TBCE: variants seen among roughly 807,000 people sequenced by gnomAD.
The protein encoded by TBCE is tubulin-specific chaperone E.
A neutral mutation model predicts 77.0 loss-of-function variants in TBCE; 53 were observed. That is an observed-to-expected ratio of 0.69 (90% CI 0.55 to 0.87). The LOEUF (loss-of-function observed/expected upper bound fraction) is 0.87, where lower values mean the gene tolerates loss of function less well. Ranked by LOEUF, TBCE falls within the 40% of genes least tolerant of loss-of-function variation. The pLI, the probability that TBCE is intolerant of heterozygous loss-of-function variation, is 0.00. For missense variants in TBCE, 624 were observed against 622.4 expected (o/e 1.00, Z -0.03); for synonymous variants, 235 against 241.3 (o/e 0.97, Z 0.24).
intron 1 of TBCE, among the ~76,000 whole-genome samples, chr1:235,371,568 G>A (rs1323522964): frequency 6.6e-6 from 1 of 151,606 alleles, no homozygotes; most frequent in Non-Finnish European, 1.5e-5. Context: ...TAGAGATGGG[G>A]TTTCATCATA....
Position 235,450,242 on chromosome 1 carries a change from T to C in TBCE, c.*1480T>C. On this transcript the variant is annotated 3_prime_UTR_variant, in exon 17 of 17. Coordinates refer to ENST00000642610, the MANE Select transcript of TBCE (RefSeq NM_003193.5). ...GACATCGACAAGGATCACCGCACCGTTCCTTCAGTTTCCACAGTTCCGTCA... is the reference window on the plus strand; with the variant it reads ...GACATCGACAAGGATCACCGCACCGCTCCTTCAGTTTCCACAGTTCCGTCA... The C allele has an allele frequency of 1.9e-6, 3 of 1,614,144 alleles. No individual in the cohort carries two copies. Among genetic ancestry groups the C allele is most frequent in the Non-Finnish European group, 2.5e-6 (3 of 1,180,010 alleles).
intron 16 of TBCE, 36 bp downstream of exon 16, chr1:235,448,476 G>C (rs1277360217): frequency 6.3e-7 from 1 of 1,587,940 alleles, no homozygotes; most frequent in African/African-American, 1.3e-5. Context: ...TCAAAGTCAA[G>C]CTTAGTCCTC....
chr1:235,411,473 C>T (rs369652472), intron 3 of TBCE, among the ~76,000 whole-genome samples: 9 of 152,204 alleles, frequency 5.9e-5, no homozygotes, highest in East Asian at 3.9e-4. Context: ...TTCTGTGGTT[C>T]GCCAGAAAGA....
chr1:235,448,795 C>CT lies in TBCE; in HGVS notation c.*35dup. On this transcript the variant is annotated 3_prime_UTR_variant, in exon 17 of 17. Coordinates refer to ENST00000642610, the MANE Select transcript of TBCE (RefSeq NM_003193.5). ...CTAATAAAATTTAAAGACCACACTGCTTATCGTGTCTGGGGTTCACCGGAA... is the reference window on the plus strand; with the variant it reads ...CTAATAAAATTTAAAGACCACACTGCTTTATCGTGTCTGGGGTTCACCGGAA... The CT allele has an allele frequency of 7.1e-7, 1 of 1,416,024 alleles. No homozygotes were observed. The highest frequency in any genetic ancestry group is 1.0e-6 in the Non-Finnish European group (1 of 1,001,422). The allele number at this position is 1,416,024 out of a possible 1,614,324, so 87.7% of individuals were successfully genotyped here.
At chr1:235,395,535 ACTTCTT>A (rs759499040) in intron 2 of TBCE, among the ~76,000 whole-genome samples, 9 of 130,410 alleles carry the variant, frequency 6.9e-5, no homozygotes, top group Admixed American at 3.9e-4. Flanking sequence ...CCATCATTCT[ACTTCTT>A]CTTCTTCTTT....
rs142804756 is a variant in TBCE, at chr1:235,427,219, C to T, written c.540C>T (p.His180=). ...TACACATTGCTGATCAGCTCAGACACCTGGAAGTCCTTAATGTCAGGTATG... is the reference window on the plus strand; with the variant it reads ...TACACATTGCTGATCAGCTCAGACATCTGGAAGTCCTTAATGTCAGGTATG... ...EVIHIADQLR[H]LEVLNVSENK... The change falls in exon 6 of 17, where the codon CAC becomes CAT. Residue 180 remains histidine (H), a synonymous_variant. Transcript: ENST00000642610. The T allele has an allele frequency of 8.1e-6, 13 of 1,613,320 alleles. No individual in the cohort carries two copies. The African/African-American group carries it at 1.2e-4, about 15-fold the overall frequency.
chr1:235,402,438 G>A (rs1024535747), intron 3 of TBCE, among the ~76,000 whole-genome samples: 1 of 152,026 alleles, frequency 6.6e-6, no homozygotes, highest in South Asian at 2.1e-4. Context: ...AAAGGGTGCT[G>A]GGGAGCCTTC....
intron 5 of TBCE, among the ~76,000 whole-genome samples, chr1:235,425,660 GT>G (rs1211503664): frequency 6.6e-6 from 1 of 152,150 alleles, no homozygotes; most frequent in Non-Finnish European, 1.5e-5. Context: ...CCTTTGTGAT[GT>G]GGCCTGGCCC....
chr1:235,426,326 G>T (rs1680712654), intron 5 of TBCE, among the ~76,000 whole-genome samples: 1 of 152,160 alleles, frequency 6.6e-6, no homozygotes. Flanking sequence ...TGTTACAACT[G>T]CTTCCAGGCT....
intron 4 of TBCE, chr1:235,418,542 G>T (rs1376120310): frequency 6.6e-6 from 1 of 152,230 alleles, no homozygotes; most frequent in Admixed American, 6.5e-5. Flanking sequence ...GCGCTCTCTA[G>T]GAAGTACCTT....
At chr1:235,441,037 G>C (rs909072784) in intron 13 of TBCE, 2 of 152,296 alleles carry the variant, frequency 1.3e-5, no homozygotes, top group African/African-American at 4.8e-5. Flanking sequence ...CAGCCTAGAG[G>C]AATCACTTTC....
intron 3 of TBCE, among the ~76,000 whole-genome samples, chr1:235,404,802 C>T (rs765293828): frequency 6.6e-6 from 1 of 151,600 alleles, no homozygotes; most frequent in Non-Finnish European, 1.5e-5. Flanking sequence ...GCTGAGATTA[C>T]AGGCATGCGC....
intron 13 of TBCE, among the ~76,000 whole-genome samples, chr1:235,440,066 G>T (rs1439791553): frequency 6.6e-6 from 1 of 152,136 alleles, no homozygotes; most frequent in Non-Finnish European, 1.5e-5. Context: ...CGCCTCCCGG[G>T]TTCACGCCAT....
chr1:235,406,065 A>G (rs1679409104), intron 3 of TBCE, among the ~76,000 whole-genome samples: 1 of 152,236 alleles, frequency 6.6e-6, no homozygotes, highest in South Asian at 2.1e-4. Context: ...ATTGAAGTAC[A>G]TATTATCTTA....
chr1:235,441,935 A>C, intron 14 of TBCE, 53 bp downstream of exon 14: 1 of 1,504,276 alleles, frequency 6.6e-7, no homozygotes. Flanking sequence ...TTAGGTGCTG[A>C]AACAGTTAGT....
At chr1:235,446,729 T>TGTTA (rs1432719272) in intron 15 of TBCE, among the ~76,000 whole-genome samples, 1 of 151,872 alleles carries the variant, frequency 6.6e-6, no homozygotes, top group Admixed American at 6.6e-5. Context: ...GTTCTCACTT[T>TGTTA]GTTACCCAGG....
chr1:235,373,537 G>A (rs1344559663), intron 1 of TBCE, among the ~76,000 whole-genome samples: 1 of 152,094 alleles, frequency 6.6e-6, no homozygotes, highest in Admixed American at 6.6e-5. Flanking sequence ...TCCGCCTCCA[G>A]GGTTCAAGCA....
At position 235,372,922 on chromosome 1, in the gene TBCE, TAAAAAA is replaced by T. The variant is rs71174418; in HGVS notation, c.-32+5436_-32+5441del. Among the ~76,000 whole-genome samples, 44 of 76,202 alleles carry T rather than the reference TAAAAAA, an allele frequency of 5.8e-4. 1 individual carries two copies. Among genetic ancestry groups the T allele is most frequent in the African/African-American group, 1.7e-3 (34 of 19,536 alleles). 50.0% of individuals were successfully genotyped at this position (76,202 alleles called of 152,430 possible). A position where few individuals can be genotyped will look rare whatever the true frequency, so the allele number is the denominator to read the frequency against. On this transcript the variant is annotated intron_variant, in intron 1 of 16. Coordinates refer to ENST00000642610, the MANE Select transcript of TBCE (RefSeq NM_003193.5). ...CTGGGCGACAGAGTGAGACTCCGTC[TAAAAAA>T]AAAAAAAAAAAAAAAAAGAGAGAAA...
In TBCE at chr1:235,396,415, A is replaced by C. The variant is rs1034221177; in HGVS notation, c.101-5088A>C. 3.9e-5 allele frequency among the ~76,000 whole-genome samples: 6 copies of C among 152,170 alleles called. No homozygotes were observed. In the South Asian group the frequency reaches 6.2e-4, roughly 16 times the overall value. On this transcript the variant is annotated intron_variant, in intron 2 of 16. Coordinates refer to ENST00000642610, the MANE Select transcript of TBCE (RefSeq NM_003193.5). ...GTTGATGGACACTTAGGTTGATTCC[A>C]AACCTTGGCTATTTTGAATAGTGCT...
Sources: gnomAD v4.1 joint callset for allele counts (sites outside exome capture counted in the v4.1 genomes callset) on GRCh38, gnomAD v4.1.1 for gene constraint, MANE v1.5 for transcripts, NCBI Gene and HGNC (gene_info 2026-07-23, HGNC 2026-07-21) for gene names.